The following HMGN5 variants were observed in gnomAD, a reference collection of about 807,000 sequenced individuals.
The protein encoded by HMGN5 is high mobility group nucleosome binding domain 5.
Under a neutral mutation model 9.5 loss-of-function variants are expected in HMGN5, and 4 were observed. The ratio of observed to expected loss-of-function variants is 0.42; its 90% CI spans 0.21 to 0.96. The LOEUF (loss-of-function observed/expected upper bound fraction) is 0.96. Ranked by LOEUF, HMGN5 falls within the 40% of genes least tolerant of loss-of-function variation. The pLI is 0.30. For synonymous variants in HMGN5, 55 were observed against 57.1 expected (o/e 0.96, Z 0.16); for missense variants, 192 against 187.5 (o/e 1.02, Z -0.14).
intron 1 of HMGN5, among the ~76,000 whole-genome samples, chrX:81,187,197 A>G (rs978659546): frequency 9.0e-6 from 1 of 111,475 alleles, no homozygotes; most frequent in African/African-American, 3.3e-5. Context: ...TGTTCTGTAA[A>G]TTTCTGTTAG....
intron 1 of HMGN5, among the ~76,000 whole-genome samples, chrX:81,142,550 C>T (rs1304545124): frequency 1.8e-5 from 2 of 111,240 alleles, no homozygotes; most frequent in African/African-American, 6.5e-5. Context: ...ACCTGACATG[C>T]CAGGAGAGAT....
chrX:81,138,213 C>A (rs1442131117), intron 1 of HMGN5, among the ~76,000 whole-genome samples: 2 of 111,657 alleles, frequency 1.8e-5, no homozygotes, highest in African/African-American at 6.5e-5. Context: ...CTTTGGCAAA[C>A]CTAATCCAAC....
chrX:81,136,465 G>A (rs1344708906), intron 1 of HMGN5, among the ~76,000 whole-genome samples: 1 of 111,559 alleles, frequency 9.0e-6, no homozygotes, highest in Non-Finnish European at 1.9e-5. Flanking sequence ...GTGGTAAAAT[G>A]TTGAAACCAG....
intron 1 of HMGN5, among the ~76,000 whole-genome samples, chrX:81,167,118 C>T (rs1270383945): frequency 9.0e-6 from 1 of 111,177 alleles, no homozygotes. Flanking sequence ...TCAAGTGTTC[C>T]ACTTACGGGA....
chrX:81,168,430 G>A (rs1429396073), intron 1 of HMGN5, among the ~76,000 whole-genome samples: 1 of 111,466 alleles, frequency 9.0e-6, no homozygotes, highest in Non-Finnish European at 1.9e-5. Context: ...GGTATTTGGT[G>A]GGGGGCTGAC....
At chrX:81,124,028 G>T (rs2075276148) in intron 1 of HMGN5, among the ~76,000 whole-genome samples, 1 of 112,089 alleles carries the variant, frequency 8.9e-6, no homozygotes, top group African/African-American at 3.2e-5. Context: ...AGCCTTGGAA[G>T]GTAAAGCTTA....
At chrX:81,118,014 TTA>T (rs1294907325) in intron 5 of HMGN5, among the ~76,000 whole-genome samples, 1 of 109,635 alleles carries the variant, frequency 9.1e-6, no homozygotes, top group Non-Finnish European at 1.9e-5. Flanking sequence ...CTTACATATA[TTA>T]TATATATAAT....
chrX:81,126,920 C>A (rs960445206), intron 1 of HMGN5, among the ~76,000 whole-genome samples: 2 of 111,463 alleles, frequency 1.8e-5, no homozygotes, highest in African/African-American at 6.5e-5. Flanking sequence ...AGGGTATTTA[C>A]TAAATCCTAT....
At chrX:81,123,098 A>T (rs1187199916) in intron 1 of HMGN5, among the ~76,000 whole-genome samples, 1 of 111,686 alleles carries the variant, frequency 9.0e-6, no homozygotes, top group Non-Finnish European at 1.9e-5. Flanking sequence ...TAAGAGATAA[A>T]CACTGTATCT....
intron 1 of HMGN5, among the ~76,000 whole-genome samples, chrX:81,185,353 GTTATT>G (rs935601015): frequency 9.9e-5 from 11 of 111,037 alleles, no homozygotes; most frequent in African/African-American, 3.3e-4. Flanking sequence ...TTAATTCCCA[GTTATT>G]TTATTTTATT....
intron 1 of HMGN5, among the ~76,000 whole-genome samples, chrX:81,180,672 T>G (rs921655599): frequency 9.0e-6 from 1 of 111,664 alleles, no homozygotes; most frequent in African/African-American, 3.3e-5. Context: ...ACTAGAAATA[T>G]CATTTGACCC....
In HMGN5 at chrX:81,116,322, T is replaced by C. The variant is rs1296750120; in HGVS notation, c.149A>G (p.Asp50Gly). The C allele has an allele frequency of 2.5e-6, 3 of 1,186,781 alleles. No individual in the cohort carries two copies. The highest frequency in any genetic ancestry group is 3.4e-6 in the Non-Finnish European group (3 of 877,205). ...SSSRKMKTKS[D>G]MMEENIDTSA... is the part of the protein sequence containing the mutation. ...TGTATCTATGTTTTCTTCCATCATA[T>C]CACTTTTTGTCTTCATTTTCTGCCA... Residue 50 changes from aspartate to glycine, a missense_variant, in exon 6 of 7, where the codon GAT becomes GGT. Transcript: ENST00000358130.
rs997651206 is a variant in HMGN5 at position 81,167,087 on chromosome X, G to A, written c.-124+34650C>T. Among the ~76,000 whole-genome samples the A allele has an allele frequency of 2.7e-5, 3 of 111,525 alleles. No homozygotes were observed. In the East Asian group the frequency reaches 8.5e-4, roughly 31 times the overall value. ...TATGTTATAGGGCCAAGATTAGCAA[G>A]AAAGGTGTGCATATGTCATCTCAAG... On this transcript the variant is annotated intron_variant, in intron 1 of 6. Transcript: ENST00000358130.
At chrX:81,186,411 G>A (rs933634291) in intron 1 of HMGN5, among the ~76,000 whole-genome samples, 1 of 111,892 alleles carries the variant, frequency 8.9e-6, no homozygotes, top group Non-Finnish European at 1.9e-5. Flanking sequence ...GCTTACAGTA[G>A]CCACTAATGA....
intron 1 of HMGN5, among the ~76,000 whole-genome samples, chrX:81,177,674 G>C (rs749547625): frequency 9.0e-6 from 1 of 110,650 alleles, no homozygotes; most frequent in Non-Finnish European, 1.9e-5. Flanking sequence ...AGGTTAACAA[G>C]GATATCCAGG....
intron 1 of HMGN5, among the ~76,000 whole-genome samples, chrX:81,154,071 C>G (rs2075376438): frequency 9.1e-6 from 1 of 110,170 alleles, no homozygotes; most frequent in Admixed American, 9.8e-5. Flanking sequence ...TTATCCTAAG[C>G]AAAAAGAACA....
In HMGN5 at chrX:81,139,193, G is replaced by T. The variant is rs761710301; in HGVS notation, c.-123-17521C>A. On this transcript the variant is annotated intron_variant, in intron 1 of 6. Transcript: ENST00000358130. ...CAATTTCAAAAAGAAGAACAAAGCA[G>T]GAAGAATCACTTCATATCATGTTAA... 2.5e-4 allele frequency among the ~76,000 whole-genome samples: 28 copies of T among 112,517 alleles called. 1 individual carries two copies. Among genetic ancestry groups the T allele is most frequent in the Admixed American group, 4.7e-4 (5 of 10,644 alleles).
chrX:81,130,418 G>A (rs1316606403), intron 1 of HMGN5, among the ~76,000 whole-genome samples: 2 of 111,562 alleles, frequency 1.8e-5, no homozygotes, highest in Non-Finnish European at 3.8e-5. Flanking sequence ...GCTAGTAATT[G>A]TTGAGTAAGA....
At chrX:81,187,450 T>A (rs1366552487) in intron 1 of HMGN5, among the ~76,000 whole-genome samples, 1 of 110,768 alleles carries the variant, frequency 9.0e-6, no homozygotes, top group African/African-American at 3.4e-5. Context: ...CATTATAGAG[T>A]GTCTTTCTTT....
Sources: allele counts gnomAD v4.1 joint callset (sites outside exome capture counted in the v4.1 genomes callset), GRCh38; gene constraint gnomAD v4.1.1; transcripts MANE v1.5; gene names NCBI Gene and HGNC (gene_info 2026-07-23, HGNC 2026-07-21).